Variants in SLC25A53 observed in about 807,000 individuals in gnomAD.
SLC25A53 encodes mitochondrial carrier triple repeat protein 6.
SLC25A53 carries 5 observed loss-of-function variants against 15.0 expected under a neutral mutation model. That is an observed-to-expected ratio of 0.33 (90% CI 0.17 to 0.70). SLC25A53 has a LOEUF of 0.70. Among genes scored for constraint, SLC25A53 ranks in the 30% least tolerant of loss-of-function variants. The pLI, the probability that SLC25A53 is intolerant of heterozygous loss-of-function variation, is 0.67. For synonymous variants in SLC25A53, 95 were observed against 100.0 expected, an observed-to-expected ratio of 0.95 and a Z score of 0.30; for missense variants, 216 against 241.6, an observed-to-expected ratio of 0.89 and a Z score of 0.70.
At position 104,101,422 on chromosome X, in the gene SLC25A53, C is replaced by T. The variant is rs1556352517; in HGVS notation, c.*2912G>A. ...GTTAAGTCCCAACCCTCTAATGGTG[C>T]CTTGGTCTTCCTGGTGACTAGTTCC... On this transcript the variant is annotated 3_prime_UTR_variant, in exon 2 of 2. Transcript: ENST00000594199. 2.7e-5 allele frequency: 3 copies of T among 111,961 alleles called. No homozygotes were observed. 9.2% of individuals were successfully genotyped at this position (111,961 alleles called of 1,213,427 possible).
At chrX:104,139,377 C>T (rs782364814) in intron 1 of SLC25A53, among the ~76,000 whole-genome samples, 3 of 112,142 alleles carry the variant, frequency 2.7e-5, no homozygotes, top group Admixed American at 9.4e-5. Flanking sequence ...ATTAGCTGGG[C>T]GTGGTGGCAC....
intron 1 of SLC25A53, among the ~76,000 whole-genome samples, chrX:104,149,499 G>A (rs114414454): frequency 8.4e-4 from 94 of 112,339 alleles, no homozygotes; most frequent in African/African-American, 2.9e-3. Context: ...TTGATCAGAG[G>A]ACCTATAGGT....
At position 104,104,379 on chromosome X, in the gene SLC25A53, G is replaced by A. The variant is rs2075295473; in HGVS notation, c.879C>T (p.Phe293=). Residue 293 remains phenylalanine, a synonymous_variant, in exon 2 of 2, where the codon TTC becomes TTT. Transcript: ENST00000594199. ...TCCTGGAGTGCGACTTCCTCTGCAGGAAGTCATGGATTGCCGTAGTGAGGC... is the reference window on the plus strand; with the variant it reads ...TCCTGGAGTGCGACTTCCTCTGCAGAAAGTCATGGATTGCCGTAGTGAGGC... ...TWGLTTAIHD[F]LQRKSHSRKE... 8.3e-7 allele frequency: 1 copy of A among 1,209,747 alleles called. No individual in the cohort carries two copies.
At chrX:104,124,380 C>G (rs1015281443) in intron 1 of SLC25A53, among the ~76,000 whole-genome samples, 1 of 111,615 alleles carries the variant, frequency 9.0e-6, no homozygotes, top group Non-Finnish European at 1.9e-5. Context: ...AGTGTCTGTT[C>G]GTATCTTTTG....
intron 1 of SLC25A53, chrX:104,112,526 C>A (rs2147866976): frequency 1.8e-5 from 2 of 113,878 alleles, no homozygotes; most frequent in East Asian, 5.6e-4. Context: ...CCGTCACGCT[C>A]TTTTGTCTCA....
At chrX:104,105,448 A>C (rs782147089) in intron 1 of SLC25A53, among the ~76,000 whole-genome samples, 160 bp from the exon 2 acceptor site, 9 of 112,737 alleles carry the variant, frequency 8.0e-5, no homozygotes, top group East Asian at 2.8e-4. Flanking sequence ...TTAAGAAATT[A>C]AGAATTAATT....
At chrX:104,130,793 T>G (rs2075423828) in intron 1 of SLC25A53, 1 of 111,750 alleles carries the variant, frequency 8.9e-6, no homozygotes, top group Non-Finnish European at 1.9e-5. Context: ...TGATCTTATG[T>G]GATCCTCCCA....
At chrX:104,127,972 C>CA (rs1371576416) in intron 1 of SLC25A53, among the ~76,000 whole-genome samples, 1 of 109,309 alleles carries the variant, frequency 9.1e-6, no homozygotes, top group Non-Finnish European at 1.9e-5. Flanking sequence ...TCAAAAAAAA[C>CA]AAAAAAACAA....
In SLC25A53 at chrX:104,115,069, T is replaced by C. The variant is rs782315966; in HGVS notation, c.-31-9781A>G. 1.6e-5 allele frequency: 19 copies of C among 1,198,793 alleles called. No homozygotes were observed. Among genetic ancestry groups the C allele is most frequent in the Non-Finnish European group, 2.1e-5 (19 of 888,662 alleles). On this transcript the variant is annotated intron_variant, in intron 1 of 1. Transcript: ENST00000594199. Reference sequence around the variant, plus strand: ...TTCCCCCAACAATTCTGGGGCTCAGTCTCTTTCTACCAGTGGTGGTTCTGG... The same window carrying C: ...TTCCCCCAACAATTCTGGGGCTCAGCCTCTTTCTACCAGTGGTGGTTCTGG...
At chrX:104,149,486 C>A (rs1477905556) in intron 1 of SLC25A53, among the ~76,000 whole-genome samples, 3 of 112,348 alleles carry the variant, frequency 2.7e-5, no homozygotes, top group African/African-American at 9.7e-5. Flanking sequence ...TCGGCTAGGG[C>A]TGTTGATCAG....
chrX:104,120,907 T>C (rs1285287399), intron 1 of SLC25A53, among the ~76,000 whole-genome samples: 3 of 112,577 alleles, frequency 2.7e-5, no homozygotes, highest in Non-Finnish European at 3.8e-5. Context: ...AAATGCTTTT[T>C]CTGTATCTAT....
intron 1 of SLC25A53, chrX:104,114,989 G>C (rs782478472): frequency 1.3e-5 from 16 of 1,193,388 alleles, no homozygotes; most frequent in Non-Finnish European, 1.8e-5. Flanking sequence ...ACACCTACAG[G>C]TGCCCCTCCC....
rs905116856 is a variant in SLC25A53 at position 104,120,148 on chromosome X, T to G, written c.-31-14860A>C. Among the ~76,000 whole-genome samples the G allele has an allele frequency of 3.6e-5, 4 of 112,035 alleles. No homozygotes were observed. The East Asian group carries it at 1.1e-3, about 31-fold the overall frequency. On this transcript the variant is annotated intron_variant, in intron 1 of 1. Coordinates refer to ENST00000594199, the MANE Select transcript of SLC25A53 (RefSeq NM_001012755.5). ...GGTGGACATTTGGACTGTTTCCAGTTGGGGACAATTATGAAAAATGTTGCT... is the reference window on the plus strand; with the variant it reads ...GGTGGACATTTGGACTGTTTCCAGTGGGGGACAATTATGAAAAATGTTGCT...
chrX:104,106,429 G>A (rs1412078128), intron 1 of SLC25A53, among the ~76,000 whole-genome samples: 1 of 111,467 alleles, frequency 9.0e-6, no homozygotes, highest in Non-Finnish European at 1.9e-5. Context: ...GAACAGAGAT[G>A]TGTGGGTGTG....
chrX:104,149,105 T>C (rs2147881009), intron 1 of SLC25A53, among the ~76,000 whole-genome samples: 1 of 112,401 alleles, frequency 8.9e-6, no homozygotes, highest in Non-Finnish European at 1.9e-5. Context: ...CTGAAGTCTC[T>C]GGGATCAAAA....
chrX:104,150,380 A>G (rs2075481339), intron 1 of SLC25A53, among the ~76,000 whole-genome samples: 1 of 111,603 alleles, frequency 9.0e-6, no homozygotes, highest in Non-Finnish European at 1.9e-5. Flanking sequence ...CCCAGTGCTG[A>G]TCACTCTGGA....
chrX:104,133,191 A>G (rs1253614739), intron 1 of SLC25A53, among the ~76,000 whole-genome samples: 1 of 112,484 alleles, frequency 8.9e-6, no homozygotes, highest in African/African-American at 3.2e-5. Context: ...AAAAGTCAAA[A>G]TGATTGAACA....
At chrX:104,122,304 G>GTT (rs1264243091) in intron 1 of SLC25A53, among the ~76,000 whole-genome samples, 78 of 76,878 alleles carry the variant, frequency 1.0e-3, no homozygotes, top group African/African-American at 1.4e-3. Context: ...TCTTTTTTTT[G>GTT]TTTTTTTTTT....
At chrX:104,135,902 T>C (rs1387231018) in intron 1 of SLC25A53, among the ~76,000 whole-genome samples, 9 of 111,649 alleles carry the variant, frequency 8.1e-5, no homozygotes, top group Admixed American at 9.6e-5. Context: ...ACTAATAACA[T>C]GATGCAATAA....
Sources: allele counts gnomAD v4.1 joint callset (sites outside exome capture counted in the v4.1 genomes callset), GRCh38; gene constraint gnomAD v4.1.1; transcripts MANE v1.5; gene names NCBI Gene and HGNC (gene_info 2026-07-23, HGNC 2026-07-21).